SLC1A7: variants seen among roughly 807,000 people sequenced by gnomAD.
The protein encoded by SLC1A7 is excitatory amino acid transporter 5.
A neutral mutation model predicts 47.7 loss-of-function variants in SLC1A7; 40 were observed. The ratio of observed to expected loss-of-function variants is 0.84; its 90% CI spans 0.65 to 1.09. The LOEUF is 1.09. Ranked by LOEUF, SLC1A7 falls within the 50% of genes least tolerant of loss-of-function variation. The pLI, the probability that SLC1A7 is intolerant of heterozygous loss-of-function variation, is 0.00. For missense variants in SLC1A7, 746 were observed against 769.5 expected (o/e 0.97, Z 0.36); for synonymous variants, 323 against 325.6 (o/e 0.99, Z 0.09).
chr1:53,092,850 C>T, intron 6 of SLC1A7, 63 bp from the exon 7 acceptor site: 1 of 1,087,818 alleles, frequency 9.2e-7, no homozygotes, highest in South Asian at 1.3e-5. Flanking sequence ...GGCCCCAGCC[C>T]CGCATCGCTG....
chr1:53,101,279 C>T (rs571562437), intron 5 of SLC1A7, among the ~76,000 whole-genome samples: 31 of 145,178 alleles, frequency 2.1e-4, no homozygotes, highest in Non-Finnish European at 3.4e-4. Flanking sequence ...TCGGTACACT[C>T]GCACACCCCA....
chr1:53,140,266 C>T (rs183511544), intron 1 of SLC1A7, among the ~76,000 whole-genome samples: 11 of 152,310 alleles, frequency 7.2e-5, no homozygotes, highest in Admixed American at 3.9e-4. Context: ...GCAAAGTAGG[C>T]CCCAGATGAG....
intron 2 of SLC1A7, among the ~76,000 whole-genome samples, chr1:53,121,491 G>A (rs543982784): frequency 7.9e-4 from 120 of 152,384 alleles, no homozygotes; most frequent in Non-Finnish European, 1.3e-3. Context: ...GGTGTCTAGA[G>A]ATCAGCTTCA....
Position 53,114,918 on chromosome 1 carries a change from G to C in SLC1A7, c.271C>G (p.Leu91Val). The change falls in exon 3 of 11, where the codon CTC becomes GTC. Residue 91 changes from leucine (L) to valine (V), a missense_variant. Coordinates refer to ENST00000371494, the MANE Select transcript of SLC1A7 (RefSeq NM_006671.6). ...GTCCACAGGTAGTACGCCACGGTGA[G>C]GACGCCCAGGCGGCTAGAGGTCTTG... Reference protein sequence around the residue: ...DAKTSSRLGVLTVAYYLWTTF... With the variant: ...DAKTSSRLGVVTVAYYLWTTF... The C allele has an allele frequency of 6.2e-7, 1 of 1,614,192 alleles. No homozygotes were observed.
At position 53,140,213 on chromosome 1, in the gene SLC1A7, G is replaced by A. The variant is rs146640356; in HGVS notation, c.135+2102C>T. ...TTTATCTGGCAGGTTAATCCAGACT[G>A]GAATACATTTGCATTTCCAAACAGA... On this transcript the variant is annotated intron_variant, in intron 1 of 10. Coordinates refer to ENST00000371494, the MANE Select transcript of SLC1A7 (RefSeq NM_006671.6). Among the ~76,000 whole-genome samples, 97 of 152,282 alleles carry A rather than the reference G, an allele frequency of 6.4e-4. 1 individual carries two copies. Among genetic ancestry groups the A allele is most frequent in the Non-Finnish European group, 8.2e-4 (56 of 68,030 alleles).
At chr1:53,103,823 C>T in intron 4 of SLC1A7, among the ~76,000 whole-genome samples, 1 of 152,158 alleles carries the variant, frequency 6.6e-6, no homozygotes, top group Non-Finnish European at 1.5e-5. Flanking sequence ...ACTTCTATAC[C>T]TCATCACCCC....
chr1:53,141,852 G>T (rs551940156), intron 1 of SLC1A7, among the ~76,000 whole-genome samples: 1 of 152,104 alleles, frequency 6.6e-6, no homozygotes, highest in African/African-American at 2.4e-5. Flanking sequence ...GCAAGCCCAC[G>T]TGTGGCGATG....
intron 3 of SLC1A7, chr1:53,108,664 G>A (rs1394981123): frequency 1.4e-6 from 1 of 717,428 alleles, no homozygotes; most frequent in African/African-American, 1.7e-5. Context: ...GCTAGAGCTT[G>A]AGCAACCTTC....
intron 4 of SLC1A7, 146 bp downstream of exon 4, chr1:53,105,586 G>A (rs1644631640): frequency 1.4e-5 from 10 of 733,748 alleles, no homozygotes; most frequent in East Asian, 2.6e-5. Context: ...GTTCCCCAGC[G>A]TACCCTCCCC....
chr1:53,105,385 GC>G (rs1274511090), intron 4 of SLC1A7, among the ~76,000 whole-genome samples: 55 of 152,316 alleles, frequency 3.6e-4, no homozygotes, highest in African/African-American at 1.3e-3. Context: ...ACTCCTCGGA[GC>G]CTCAGTTTCC....
intron 1 of SLC1A7, among the ~76,000 whole-genome samples, chr1:53,141,034 T>C (rs1645051643): frequency 6.6e-6 from 1 of 152,190 alleles, no homozygotes; most frequent in African/African-American, 2.4e-5. Context: ...ATAGGGACTC[T>C]TCCAGGAGCC....
intron 1 of SLC1A7, among the ~76,000 whole-genome samples, chr1:53,135,159 T>A (rs1222376702): frequency 6.6e-6 from 1 of 152,162 alleles, no homozygotes; most frequent in East Asian, 1.9e-4. Flanking sequence ...CGCATCTGCC[T>A]AGCCATGGAA....
At chr1:53,123,276 G>C (rs1055205738) in intron 2 of SLC1A7, among the ~76,000 whole-genome samples, 3 of 152,178 alleles carry the variant, frequency 2.0e-5, no homozygotes, top group African/African-American at 7.2e-5. Context: ...GGGAACTCAG[G>C]TCTCCTGCCT....
rs777538784 is a variant in SLC1A7 at position 53,103,576 on chromosome 1, G to T, written c.475-8C>A. The T allele has an allele frequency of 7.8e-6, 12 of 1,543,758 alleles. No individual in the cohort carries two copies. The South Asian group carries it at 1.5e-4, about 19-fold the overall frequency. ...GGTGGTCTTGGTGCGGTACTGGTGG[G>T]TGACACCCCACCCAGAGAGAAGTCA... On this transcript the variant is annotated splice_region_variant and splice_polypyrimidine_tract_variant and intron_variant, in intron 4 of 10. Coordinates refer to ENST00000371494, the MANE Select transcript of SLC1A7 (RefSeq NM_006671.6).
intron 3 of SLC1A7, among the ~76,000 whole-genome samples, chr1:53,109,904 G>A (rs1026724052): frequency 3.3e-5 from 5 of 152,266 alleles, no homozygotes; most frequent in African/African-American, 2.4e-5. Flanking sequence ...TGAATACAGC[G>A]GAGCTGAATG....
intron 1 of SLC1A7, among the ~76,000 whole-genome samples, chr1:53,136,539 T>TATATAATATATAAAC (rs1557693214): frequency 1.9e-5 from 1 of 52,324 alleles, no homozygotes; most frequent in Non-Finnish European, 3.9e-5. Context: ...TATATAAACA[T>TATATAATATATAAAC]ATATATAATA....
chr1:53,092,622 C>T lies in SLC1A7; in HGVS notation c.963G>A (p.Lys321=), dbSNP rs780958887. The T allele has an allele frequency of 2.2e-5, 35 of 1,614,048 alleles. No homozygotes were observed. Among genetic ancestry groups the T allele is most frequent in the Admixed American group, 3.3e-5 (2 of 60,000 alleles). The stretch of plus-strand genomic sequence containing the variant: ...CACGGATGAAGACGATGGGATTCTT[C>T]TTGGTGATGAAGAAGTAGAGCAGGG... The part of the protein sequence containing the change: ...ILPLLYFFIT[K]KNPIVFIRGI... The change falls in exon 7 of 11, where the codon AAG becomes AAA. Residue 321 remains lysine, a synonymous_variant. Transcript: ENST00000371494.
At chr1:53,126,965 C>T (rs1347647545) in intron 2 of SLC1A7, among the ~76,000 whole-genome samples, 8 of 151,520 alleles carry the variant, frequency 5.3e-5, no homozygotes, top group East Asian at 3.9e-4. Context: ...TGGGCTCAAG[C>T]GATCCTCCCA....
intron 3 of SLC1A7, 63 bp from the exon 4 acceptor site, chr1:53,105,837 T>A: frequency 2.8e-6 from 4 of 1,415,320 alleles, no homozygotes; most frequent in Non-Finnish European, 3.0e-6. Flanking sequence ...CTGGGGGTTG[T>A]GGCCTTGGGG....
Sources: allele counts gnomAD v4.1 joint callset (sites outside exome capture counted in the v4.1 genomes callset), GRCh38; gene constraint gnomAD v4.1.1; transcripts MANE v1.5; gene names NCBI Gene and HGNC (gene_info 2026-07-23, HGNC 2026-07-21).